GALNT13: variants seen among roughly 807,000 people sequenced by gnomAD.
The protein encoded by GALNT13 is UDP-GalNAc:polypeptide N-acetylgalactosaminyltransferase 13.
A neutral mutation model predicts 64.2 loss-of-function variants in GALNT13; 28 were observed. That is an observed-to-expected ratio of 0.44 (90% CI 0.32 to 0.60). The LOEUF is 0.60. Ranked by LOEUF, GALNT13 falls within the 20% of genes least tolerant of loss-of-function variation. The pLI is 0.05. For missense variants in GALNT13, 577 were observed against 669.8 expected (o/e 0.86, Z 1.53); for synonymous variants, 214 against 224.6 (o/e 0.95, Z 0.42).
At chr2:153,463,588 G>T in the GALNT13 span, among the ~76,000 whole-genome samples, 5 of 152,026 alleles carry the variant, frequency 3.3e-5, no homozygotes, top group African/African-American at 1.2e-4. Flanking sequence ...TCAGCATGAT[G>T]TAGCATATGA....
chr2:154,316,017 GGCAGGAGTTGCAGTGA>G (rs1316348428), intron 9 of GALNT13, among the ~76,000 whole-genome samples: 4 of 152,112 alleles, frequency 2.6e-5, no homozygotes, highest in African/African-American at 9.7e-5. Flanking sequence ...GAACCCTGGA[GGCAGGAGTTGCAGTGA>G]GCTGAGATCG....
chr2:153,081,773 A>T, the GALNT13 span, among the ~76,000 whole-genome samples: 1 of 152,212 alleles, frequency 6.6e-6, no homozygotes. Flanking sequence ...TCATCTGTTG[A>T]TAGACACTTA....
At chr2:154,212,128 G>C (rs1319616025) in intron 4 of GALNT13, among the ~76,000 whole-genome samples, 2 of 152,166 alleles carry the variant, frequency 1.3e-5, no homozygotes, top group African/African-American at 4.8e-5. Context: ...AAGAGAATGA[G>C]AAGAAGTGGA....
At chr2:153,267,298 G>A in the GALNT13 span, among the ~76,000 whole-genome samples, 1 of 152,250 alleles carries the variant, frequency 6.6e-6, no homozygotes, top group South Asian at 2.1e-4. Flanking sequence ...GACTCTGTGT[G>A]GGGGCTCCAC....
intron 9 of GALNT13, among the ~76,000 whole-genome samples, chr2:154,317,599 C>T (rs1176933444): frequency 6.6e-6 from 1 of 152,044 alleles, no homozygotes; most frequent in East Asian, 1.9e-4. Context: ...AAATGGATTT[C>T]GACTCAGCAC....
At chr2:154,348,130 A>T (rs1696173267) in intron 9 of GALNT13, among the ~76,000 whole-genome samples, 2 of 152,162 alleles carry the variant, frequency 1.3e-5, no homozygotes. Flanking sequence ...AGATTAGGAA[A>T]CAGAAGCCCA....
At chr2:153,202,000 C>T in the GALNT13 span, among the ~76,000 whole-genome samples, 5 of 111,390 alleles carry the variant, frequency 4.5e-5, no homozygotes, top group Non-Finnish European at 7.0e-5. Flanking sequence ...TTTTTTGAGA[C>T]GGAGTTTCGC....
chr2:153,803,691 C>CAAAAAAAAA, the GALNT13 span, among the ~76,000 whole-genome samples: 5 of 105,070 alleles, frequency 4.8e-5, no homozygotes, highest in African/African-American at 1.1e-4. Flanking sequence ...GACTCTGTCT[C>CAAAAAAAAA]AAAAAAAAAA....
chr2:154,021,142 C>T (rs1697448026), intron 3 of GALNT13, among the ~76,000 whole-genome samples: 1 of 152,110 alleles, frequency 6.6e-6, no homozygotes, highest in Non-Finnish European at 1.5e-5. Flanking sequence ...CGTGATGCCT[C>T]CAGCTTTGTT....
chr2:153,421,649 GC>G, the GALNT13 span: 1 of 268,548 alleles, frequency 3.7e-6, no homozygotes, highest in South Asian at 5.9e-5. Flanking sequence ...ATGTCGTGAT[GC>G]CCCCAGGCAT....
the GALNT13 span, among the ~76,000 whole-genome samples, chr2:153,369,796 T>C: frequency 3.3e-5 from 5 of 152,132 alleles, no homozygotes; most frequent in African/African-American, 1.2e-4. Context: ...GGTAAGGGAC[T>C]AAGGCCTGAC....
the GALNT13 span, among the ~76,000 whole-genome samples, chr2:153,534,327 A>ATTTCT: frequency 6.6e-6 from 1 of 152,072 alleles, no homozygotes; most frequent in Non-Finnish European, 1.5e-5. Context: ...GAAATATTTT[A>ATTTCT]TAATCCTATG....
chr2:154,401,756 A>G (rs1699312795), intron 10 of GALNT13, among the ~76,000 whole-genome samples: 1 of 152,184 alleles, frequency 6.6e-6, no homozygotes, highest in South Asian at 2.1e-4. Flanking sequence ...GTTATCCACC[A>G]AATAAATTAA....
chr2:153,147,684 T>C, the GALNT13 span, among the ~76,000 whole-genome samples: 8 of 151,662 alleles, frequency 5.3e-5, no homozygotes, highest in Non-Finnish European at 1.0e-4. Context: ...TTTTAGAAAT[T>C]TGGGAAACTA....
chr2:153,111,685 A>C, the GALNT13 span, among the ~76,000 whole-genome samples: 1 of 125,370 alleles, frequency 8.0e-6, no homozygotes, highest in Non-Finnish European at 1.8e-5. Context: ...TAAATAATTA[A>C]ATTACTCTCT....
At chr2:154,230,877 A>C (rs578162735) in intron 4 of GALNT13, among the ~76,000 whole-genome samples, 5 of 152,062 alleles carry the variant, frequency 3.3e-5, no homozygotes, top group Non-Finnish European at 7.4e-5. Context: ...TCCAGATACT[A>C]AATTTGGCTT....
At chr2:154,149,755 C>T (rs952520519) in intron 4 of GALNT13, among the ~76,000 whole-genome samples, 7 of 151,980 alleles carry the variant, frequency 4.6e-5, no homozygotes, top group Admixed American at 1.3e-4. Context: ...TAAGAATGCT[C>T]ATGATTTTTG....
chr2:153,663,944 G>T, the GALNT13 span, among the ~76,000 whole-genome samples: 1 of 152,206 alleles, frequency 6.6e-6, no homozygotes, highest in Non-Finnish European at 1.5e-5. Flanking sequence ...TTTTCTTAGG[G>T]ATTTCAAAAG....
intron 1 of GALNT13, among the ~76,000 whole-genome samples, chr2:153,892,423 A>G (rs1044027581): frequency 1.3e-5 from 2 of 152,054 alleles, no homozygotes; most frequent in African/African-American, 4.8e-5. Flanking sequence ...TCATGGGTCC[A>G]AGATTATGCT....
Sources: gnomAD v4.1 joint callset for allele counts (sites outside exome capture counted in the v4.1 genomes callset) on GRCh38, gnomAD v4.1.1 for gene constraint, MANE v1.5 for transcripts, NCBI Gene and HGNC (gene_info 2026-07-23, HGNC 2026-07-21) for gene names.